The following TRAPPC9 variants were observed in gnomAD, a reference collection of about 807,000 sequenced individuals.
TRAPPC9 encodes the protein trafficking protein particle complex subunit 9, also known as IKK2 binding protein.
TRAPPC9 carries 83 observed loss-of-function variants against 124.0 expected under a neutral mutation model. That is an observed-to-expected ratio of 0.67 (90% CI 0.56 to 0.80). The LOEUF is 0.80. Ranked by LOEUF, TRAPPC9 falls within the 30% of genes least tolerant of loss-of-function variation. The pLI is 0.00. For synonymous variants in TRAPPC9, 638 were observed against 617.5 expected (o/e 1.03, Z -0.49); for missense variants, 1,302 against 1,508.3 (o/e 0.86, Z 2.27).
intron 9 of TRAPPC9, among the ~76,000 whole-genome samples, chr8:140,348,881 C>G (rs892852979): frequency 4.6e-5 from 7 of 152,066 alleles, no homozygotes; most frequent in Admixed American, 3.9e-4. Flanking sequence ...CTGACGCAAG[C>G]GCCCAGCACA....
intron 19 of TRAPPC9, chr8:139,931,264 T>C (rs1351083838): frequency 6.6e-6 from 1 of 152,164 alleles, no homozygotes; most frequent in Non-Finnish European, 1.5e-5. Flanking sequence ...ATACACGTAA[T>C]CCTCACCGCA....
Position 139,742,443 on chromosome 8 carries a change from T to C in TRAPPC9, c.3056-10241A>G, listed in dbSNP as rs895460699. The stretch of plus-strand genomic sequence containing the variant: ...TTGACCTCCATATTTCAGGAGTTTC[T>C]CACATTTTGGAGCCTGGGGCCAGAC... On this transcript the variant is annotated intron_variant, in intron 21 of 22. Coordinates refer to ENST00000438773, the MANE Select transcript of TRAPPC9 (RefSeq NM_001160372.4). This position sits in a 1 kb window ranked among gnomAD's most constrained non-coding sequence, Gnocchi z 4.7. 3.3e-5 allele frequency among the ~76,000 whole-genome samples: 5 copies of C among 152,136 alleles called. No individual in the cohort carries two copies. Among genetic ancestry groups the C allele is most frequent in the Non-Finnish European group, 5.9e-5 (4 of 68,030 alleles).
At position 139,787,028 on chromosome 8, in the gene TRAPPC9, T is replaced by C. The variant is rs182299188; in HGVS notation, c.3056-54826A>G. Among the ~76,000 whole-genome samples, 5 of 152,320 alleles carry C rather than the reference T, an allele frequency of 3.3e-5. No homozygotes were observed. The East Asian group carries it at 5.8e-4, about 18-fold the overall frequency. The stretch of plus-strand genomic sequence containing the variant: ...ATACATGTTAAATATGTTTCATTTA[T>C]TGTGTGTCAGTAAGACTACAACAAA... On this transcript the variant is annotated intron_variant, in intron 21 of 22. Transcript: ENST00000438773.
rs546314107 is a variant in TRAPPC9 at position 140,294,227 on chromosome 8, G to A, written c.1769-3149C>T. Among the ~76,000 whole-genome samples, 309 of 152,004 alleles carry A rather than the reference G, an allele frequency of 2.0e-3. 5 individuals carry two copies. Among genetic ancestry groups the A allele is most frequent in the East Asian group, 3.7e-3 (19 of 5,154 alleles). On this transcript the variant is annotated intron_variant, in intron 11 of 22. Coordinates refer to ENST00000438773, the MANE Select transcript of TRAPPC9 (RefSeq NM_001160372.4). ...CAGCTTCCATGCCCCCCACCTCCCAGGCCCACCAGCTTCTGAGGACCTTCA... is the reference window on the plus strand; with the variant it reads ...CAGCTTCCATGCCCCCCACCTCCCAAGCCCACCAGCTTCTGAGGACCTTCA...
chr8:139,845,897 T>C (rs1181186638), intron 21 of TRAPPC9, among the ~76,000 whole-genome samples: 3 of 152,216 alleles, frequency 2.0e-5, no homozygotes, highest in Non-Finnish European at 4.4e-5. Context: ...GTTTCCAGGC[T>C]GGCAGATGAG....
intron 17 of TRAPPC9, among the ~76,000 whole-genome samples, chr8:140,108,565 A>C (rs1173521526): frequency 1.3e-5 from 2 of 152,174 alleles, no homozygotes; most frequent in East Asian, 3.9e-4. Flanking sequence ...GCCTACCCTC[A>C]CAGGCCTCCC....
chr8:140,134,894 G>A (rs1015766355), intron 17 of TRAPPC9, among the ~76,000 whole-genome samples: 3 of 152,130 alleles, frequency 2.0e-5, no homozygotes, highest in Non-Finnish European at 2.9e-5. Flanking sequence ...TCTACAGAAC[G>A]GGAGAAAATA....
chr8:140,170,542 A>G (rs1046900281), intron 17 of TRAPPC9, among the ~76,000 whole-genome samples: 2 of 152,184 alleles, frequency 1.3e-5, no homozygotes, highest in Non-Finnish European at 2.9e-5. Flanking sequence ...CCTCTCAGGA[A>G]CTTGAAACCC....
intron 5 of TRAPPC9, among the ~76,000 whole-genome samples, chr8:140,419,821 G>A (rs1018535054): frequency 8.5e-5 from 13 of 152,048 alleles, no homozygotes; most frequent in Non-Finnish European, 1.6e-4. Flanking sequence ...GGAAGGCGGA[G>A]CTTGCAGTGA....
At chr8:140,146,333 C>G (rs888917763) in intron 17 of TRAPPC9, among the ~76,000 whole-genome samples, 1 of 152,240 alleles carries the variant, frequency 6.6e-6, no homozygotes, top group African/African-American at 2.4e-5. Context: ...TGGGGGCCAC[C>G]CCGGCATGGA....
intron 14 of TRAPPC9, among the ~76,000 whole-genome samples, chr8:140,281,181 T>C (rs2065310391): frequency 6.6e-6 from 1 of 152,218 alleles, no homozygotes; most frequent in East Asian, 1.9e-4. Context: ...GGTCACATGG[T>C]AAACTTATGT....
At chr8:140,416,398 C>A (rs758086549) in intron 5 of TRAPPC9, among the ~76,000 whole-genome samples, 2 of 152,060 alleles carry the variant, frequency 1.3e-5, no homozygotes, top group African/African-American at 2.4e-5. Flanking sequence ...ATCAAAAAAT[C>A]TCCCAGAAAG....
intron 2 of TRAPPC9, among the ~76,000 whole-genome samples, chr8:140,443,295 G>C (rs2071107768): frequency 1.3e-5 from 2 of 151,472 alleles, no homozygotes; most frequent in Admixed American, 1.3e-4. Context: ...AATTAGCCAG[G>C]CGTGGTGGTG....
At chr8:139,816,495 A>G (rs1316197722) in intron 21 of TRAPPC9, among the ~76,000 whole-genome samples, 2 of 152,116 alleles carry the variant, frequency 1.3e-5, no homozygotes, top group East Asian at 3.9e-4. Context: ...GGCTGCCCCC[A>G]TCTCAGTATG....
chr8:139,915,933 C>T (rs2290929), intron 19 of TRAPPC9, among the ~76,000 whole-genome samples: 6,819 of 152,228 alleles, frequency 0.045, 298 homozygotes, highest in African/African-American at 0.12. Flanking sequence ...GGGGCTTGTG[C>T]GTGTGAATGC....
rs1294703987 is a variant in TRAPPC9 at position 139,742,471 on chromosome 8, C to G, written c.3056-10269G>C. 6.6e-6 allele frequency among the ~76,000 whole-genome samples: 1 copy of G among 152,200 alleles called. No individual in the cohort carries two copies. Among genetic ancestry groups the G allele is most frequent in the Admixed American group, 6.5e-5 (1 of 15,292 alleles). On this transcript the variant is annotated intron_variant, in intron 21 of 22. Transcript: ENST00000438773. This position sits in a 1 kb window ranked among gnomAD's most constrained non-coding sequence, Gnocchi z 4.7. ...CATTTTGGAGCCTGGGGCCAGACAG[C>G]AGGCCAGGGCTGAAGCTGGAAGTCT...
Position 140,423,755 on chromosome 8 carries a change from T to C in TRAPPC9, c.886+2860A>G, listed in dbSNP as rs371687185. On this transcript the variant is annotated intron_variant, in intron 5 of 22. Transcript: ENST00000438773. Reference sequence around the variant, plus strand: ...ATACATATACACACATATATATACATATATATATACACAGAATGGAATATT... The same window carrying C: ...ATACATATACACACATATATATACACATATATATACACAGAATGGAATATT... Among the ~76,000 whole-genome samples, 9 of 151,794 alleles carry C rather than the reference T, an allele frequency of 5.9e-5. No individual in the cohort carries two copies. The East Asian group carries it at 1.2e-3, about 20-fold the overall frequency.
intron 21 of TRAPPC9, among the ~76,000 whole-genome samples, chr8:139,822,850 C>T (rs1002528032): frequency 3.3e-5 from 5 of 152,244 alleles, no homozygotes; most frequent in African/African-American, 2.4e-5. Context: ...TGTGTCACCA[C>T]TGTGGCTTAA....
chr8:139,988,331 T>C (rs527707911), intron 19 of TRAPPC9, among the ~76,000 whole-genome samples: 1 of 152,136 alleles, frequency 6.6e-6, no homozygotes, highest in African/African-American at 2.4e-5. Context: ...CAGGCTGGTC[T>C]TGAACTCCTG....
Sources: allele counts gnomAD v4.1 joint callset (sites outside exome capture counted in the v4.1 genomes callset), GRCh38; gene constraint gnomAD v4.1.1; non-coding constraint Gnocchi (gnomAD v3.1); transcripts MANE v1.5; gene names NCBI Gene and HGNC (gene_info 2026-07-23, HGNC 2026-07-21).